Variants in INPP4B observed in about 807,000 individuals in gnomAD.
INPP4B encodes inositol polyphosphate-4-phosphatase type II B.
INPP4B carries 55 observed loss-of-function variants against 122.5 expected under a neutral mutation model. That is an observed-to-expected ratio of 0.45 (90% confidence interval 0.36 to 0.56). The LOEUF is 0.56. Among genes scored for constraint, INPP4B ranks in the 20% least tolerant of loss-of-function variants. The probability of loss-of-function intolerance (pLI) is 0.00; values close to 1 mark genes in which losing one functional copy is unlikely to be tolerated. For missense variants in INPP4B, 1,000 were observed against 1,097.7 expected, an observed-to-expected ratio of 0.91 and a Z score of 1.26; for synonymous variants, 403 against 388.7, an observed-to-expected ratio of 1.04 and a Z score of -0.43.
chr4:142,527,529 CATGA>C (rs907291700), intron 2 of INPP4B, among the ~76,000 whole-genome samples: 1 of 151,988 alleles, frequency 6.6e-6, no homozygotes, highest in Non-Finnish European at 1.5e-5. Flanking sequence ...TTTCAACAGT[CATGA>C]ATTGATAAGC....
intron 9 of INPP4B, among the ~76,000 whole-genome samples, chr4:142,299,152 C>CTTTT: frequency 6.9e-6 from 1 of 144,058 alleles, no homozygotes; most frequent in East Asian, 2.0e-4. Context: ...TTTTTTCTTT[C>CTTTT]TTTCTTTTTT....
intron 2 of INPP4B, among the ~76,000 whole-genome samples, chr4:142,643,579 C>G (rs1259476182): frequency 6.6e-6 from 1 of 151,988 alleles, no homozygotes; most frequent in East Asian, 1.9e-4. Context: ...ATGAATTTTT[C>G]TATATTTTGC....
intron 1 of INPP4B, among the ~76,000 whole-genome samples, chr4:142,758,782 G>A (rs1254702855): frequency 1.3e-5 from 2 of 151,878 alleles, no homozygotes; most frequent in East Asian, 1.9e-4. Flanking sequence ...GTGAAACCCC[G>A]TCTCTTCTAA....
At chr4:142,163,296 C>T (rs1218309277) in intron 16 of INPP4B, among the ~76,000 whole-genome samples, 1 of 151,906 alleles carries the variant, frequency 6.6e-6, no homozygotes, top group Non-Finnish European at 1.5e-5. Flanking sequence ...TTGTGCCATC[C>T]TGCCTCAGAT....
rs182634510 is a variant in INPP4B at position 142,272,260 on chromosome 4, C to T, written c.504-1486G>A. ...TTTACCAAAATGCTAATTAAAATAA[C>T]CAATAAATTAGGTGAAAAGAAACGC... On this transcript the variant is annotated intron_variant, in intron 9 of 25. Transcript: ENST00000262992. 1.3e-3 allele frequency among the ~76,000 whole-genome samples: 194 copies of T among 151,704 alleles called. 1 individual carries two copies. The highest frequency in any genetic ancestry group is 6.8e-3 in the Middle Eastern group (2 of 292).
intron 2 of INPP4B, among the ~76,000 whole-genome samples, chr4:142,697,177 A>G (rs887083630): frequency 6.6e-6 from 1 of 152,170 alleles, no homozygotes; most frequent in Non-Finnish European, 1.5e-5. Context: ...ATTTTCCAGG[A>G]AAAGGAGACA....
At chr4:142,515,195 G>C (rs886482486) in intron 2 of INPP4B, among the ~76,000 whole-genome samples, 3 of 152,108 alleles carry the variant, frequency 2.0e-5, no homozygotes, top group African/African-American at 7.2e-5. Flanking sequence ...ATGGCCTCCT[G>C]AAACTCTTGC....
chr4:142,128,483 C>T (rs1195620880), intron 18 of INPP4B, among the ~76,000 whole-genome samples: 3 of 152,036 alleles, frequency 2.0e-5, no homozygotes, highest in Admixed American at 1.3e-4. Context: ...CAACTAGCCT[C>T]GCAGGCACTA....
intron 2 of INPP4B, among the ~76,000 whole-genome samples, chr4:142,478,818 C>G (rs1289963991): frequency 6.6e-6 from 1 of 152,114 alleles, no homozygotes; most frequent in Admixed American, 6.6e-5. Flanking sequence ...AGCTGGATCT[C>G]TTCCTTACAC....
At position 142,270,696 on chromosome 4, in the gene INPP4B, G is replaced by T; in HGVS notation, c.582C>A (p.Ala194=). ...CCTGTACATCTGTGGTGATGTGGTC[G>T]GCTTCCCCATCCTCAATCTCCCCCA... ...VKMGEIEDGE[A]DHITTDVQGQ... is the part of the protein sequence containing the mutation. The change falls in exon 10 of 26, where the codon GCC becomes GCA. Residue 194 remains alanine (A), a synonymous_variant. Coordinates refer to ENST00000262992, the MANE Select transcript of INPP4B (RefSeq NM_001101669.3). 6.8e-6 allele frequency: 11 copies of T among 1,612,764 alleles called. No homozygotes were observed. Among genetic ancestry groups the T allele is most frequent in the Non-Finnish European group, 8.5e-6 (10 of 1,178,932 alleles).
intron 1 of INPP4B, among the ~76,000 whole-genome samples, chr4:142,763,306 C>A (rs1330980268): frequency 2.0e-5 from 3 of 152,082 alleles, no homozygotes; most frequent in African/African-American, 7.2e-5. Flanking sequence ...TAACAGAAGT[C>A]TTTCATAATT....
chr4:142,664,617 A>G (rs572624199), intron 2 of INPP4B, among the ~76,000 whole-genome samples: 2 of 152,288 alleles, frequency 1.3e-5, no homozygotes, highest in South Asian at 4.1e-4. Context: ...AGTTTATAAT[A>G]CTTATAATTA....
At chr4:142,131,853 G>C (rs552268218) in intron 18 of INPP4B, among the ~76,000 whole-genome samples, 1 of 152,186 alleles carries the variant, frequency 6.6e-6, no homozygotes, top group South Asian at 2.1e-4. Flanking sequence ...TACTCAGGAG[G>C]CTGAGGCAGG....
At chr4:142,402,005 T>C (rs1258815881) in intron 7 of INPP4B, among the ~76,000 whole-genome samples, 1 of 152,166 alleles carries the variant, frequency 6.6e-6, no homozygotes, top group African/African-American at 2.4e-5. Flanking sequence ...GAAGAGAAAG[T>C]CATGAGCAAA....
chr4:142,096,472 T>C (rs762093837), intron 23 of INPP4B, among the ~76,000 whole-genome samples: 14 of 152,202 alleles, frequency 9.2e-5, no homozygotes, highest in Non-Finnish European at 2.1e-4. Context: ...TTGTTGCTTG[T>C]ACTGCTGTTT....
intron 1 of INPP4B, among the ~76,000 whole-genome samples, chr4:142,797,570 A>G (rs1378464028): frequency 2.0e-5 from 3 of 151,956 alleles, no homozygotes; most frequent in Non-Finnish European, 4.4e-5. Flanking sequence ...AAATTTCCCA[A>G]ACTGATAAAA....
chr4:142,688,332 T>G (rs1759669221), intron 2 of INPP4B, among the ~76,000 whole-genome samples: 1 of 152,128 alleles, frequency 6.6e-6, no homozygotes, highest in Admixed American at 6.6e-5. Context: ...AGCAGGACTG[T>G]GTACCATTCC....
chr4:142,598,165 T>C (rs1246988665), intron 2 of INPP4B, among the ~76,000 whole-genome samples: 1 of 152,104 alleles, frequency 6.6e-6, no homozygotes, highest in African/African-American at 2.4e-5. Context: ...GCTCAGTTGA[T>C]ATTGGCCAGG....
intron 14 of INPP4B, among the ~76,000 whole-genome samples, 199 bp from the exon 15 acceptor site, chr4:142,193,394 C>T (rs936148928): frequency 2.0e-5 from 3 of 152,200 alleles, no homozygotes; most frequent in South Asian, 2.1e-4. Flanking sequence ...TGCACCTAAA[C>T]AAGATATAAT....
Sources: gnomAD v4.1 joint callset for allele counts (sites outside exome capture counted in the v4.1 genomes callset) on GRCh38, gnomAD v4.1.1 for gene constraint, MANE v1.5 for transcripts, NCBI Gene and HGNC (gene_info 2026-07-23, HGNC 2026-07-21) for gene names.